MED27: variants seen among roughly 807,000 people sequenced by gnomAD.
MED27 encodes the protein mediator complex subunit 27.
A neutral mutation model predicts 38.2 loss-of-function variants in MED27; 30 were observed. The ratio of observed to expected loss-of-function variants is 0.79; its 90% CI spans 0.59 to 1.07. MED27 has a LOEUF of 1.07. MED27 is among the 50% of genes least tolerant of loss of function. The probability of loss-of-function intolerance (pLI) is 0.00; values close to 1 mark genes in which losing one functional copy is unlikely to be tolerated. For synonymous variants in MED27, 122 were observed against 153.5 expected, an observed-to-expected ratio of 0.79 and a Z score of 1.52; for missense variants, 289 against 397.5, an observed-to-expected ratio of 0.73 and a Z score of 2.32.
chr9:131,998,252 TA>T (rs1180768153), intron 3 of MED27, among the ~76,000 whole-genome samples: 191 of 141,072 alleles, frequency 1.4e-3, no homozygotes, highest in Admixed American at 1.3e-3. Flanking sequence ...AGCATCATCT[TA>T]AAAAAAAAAA....
In MED27 at chr9:131,860,404, C is replaced by T. The variant is rs1318897553; in HGVS notation, c.*134G>A. 2 of 1,074,146 alleles carry T rather than the reference C, an allele frequency of 1.9e-6. No homozygotes were observed. The highest frequency in any genetic ancestry group is 2.9e-5 in the East Asian group (1 of 34,296). 66.5% of individuals were successfully genotyped at this position (1,074,146 alleles called of 1,614,324 possible). On this transcript the variant is annotated 3_prime_UTR_variant, in exon 8 of 8. Transcript: ENST00000292035. This position sits in a 1 kb window ranked among gnomAD's most constrained non-coding sequence, Gnocchi z 5.8. ...GCTCTTCAAGAGTGGCCTCTGCACA[C>T]ATGGCGCTGCTTTATGAAAGGGAGG...
intron 2 of MED27, among the ~76,000 whole-genome samples, chr9:132,069,752 G>C (rs1833893170): frequency 6.6e-6 from 1 of 152,214 alleles, no homozygotes; most frequent in Non-Finnish European, 1.5e-5. Context: ...GGAAGGGACT[G>C]AAGAGATCAC....
intron 3 of MED27, among the ~76,000 whole-genome samples, chr9:131,990,562 A>G (rs560313823): frequency 4.9e-4 from 75 of 152,364 alleles, no homozygotes; most frequent in South Asian, 4.1e-3. Context: ...GCATCCTCAA[A>G]TAAAACGTTC....
chr9:132,045,069 T>C (rs904880166), intron 2 of MED27, among the ~76,000 whole-genome samples: 10 of 152,034 alleles, frequency 6.6e-5, no homozygotes, highest in African/African-American at 2.4e-4. Context: ...AAATTTAAAA[T>C]TTGTATATGT....
intron 5 of MED27, 137 bp downstream of exon 5, chr9:131,893,747 TC>T (rs1829766919): frequency 3.1e-6 from 2 of 646,254 alleles, no homozygotes; most frequent in Non-Finnish European, 5.6e-6. Flanking sequence ...AAAGTGTGCA[TC>T]CTCACACTGA....
At chr9:131,970,840 T>C (rs1300545644) in intron 3 of MED27, among the ~76,000 whole-genome samples, 4 of 152,000 alleles carry the variant, frequency 2.6e-5, no homozygotes, top group East Asian at 1.9e-4. Flanking sequence ...ACCAAACAGA[T>C]CATGTGGAGT....
chr9:131,995,933 C>T (rs1374903085), intron 3 of MED27, among the ~76,000 whole-genome samples: 3 of 152,246 alleles, frequency 2.0e-5, no homozygotes, highest in Admixed American at 6.5e-5. Flanking sequence ...GCAGGAGTGT[C>T]CTCTACACTC....
chr9:131,869,541 C>T (rs1838794094), intron 6 of MED27, among the ~76,000 whole-genome samples: 1 of 152,234 alleles, frequency 6.6e-6, no homozygotes, highest in East Asian at 1.9e-4. Flanking sequence ...GGCACTAATG[C>T]TCCCAAGGAG....
At chr9:132,062,915 C>T (rs969546461) in intron 2 of MED27, among the ~76,000 whole-genome samples, 115 of 152,188 alleles carry the variant, frequency 7.6e-4, no homozygotes, top group Non-Finnish European at 2.5e-4. Context: ...AGCCACTGCA[C>T]CCAGCCATCA....
At position 131,893,948 on chromosome 9, in the gene MED27, G is replaced by C. The variant is rs768477755; in HGVS notation, c.618C>G (p.Ser206Arg). The C allele has an allele frequency of 1.2e-6, 2 of 1,614,034 alleles. No individual in the cohort carries two copies. Among genetic ancestry groups the C allele is most frequent in the Non-Finnish European group, 8.5e-7 (1 of 1,180,040 alleles). Reference sequence around the variant, plus strand: ...TTACTATTGTTCGATCAATGAACAGGCTCCGCATGACGACGATCACTTTCA... The same window carrying C: ...TTACTATTGTTCGATCAATGAACAGCCTCCGCATGACGACGATCACTTTCA... ...KVLKVIVVMR[S>R]LFIDRTIVKG... The change falls in exon 5 of 8, where the codon AGC (serine) becomes AGG (arginine). Residue 206 changes from serine (S) to arginine (R), a missense_variant. Transcript: ENST00000292035.
chr9:131,966,016 C>A (rs75625560), intron 3 of MED27, among the ~76,000 whole-genome samples: 1 of 150,104 alleles, frequency 6.7e-6, no homozygotes. Flanking sequence ...CGCAACCATG[C>A]GCATCCCAGA....
At chr9:131,960,870 A>T (rs1170634609) in intron 3 of MED27, among the ~76,000 whole-genome samples, 1 of 152,230 alleles carries the variant, frequency 6.6e-6, no homozygotes, top group African/African-American at 2.4e-5. Flanking sequence ...TCCTCAGTCG[A>T]TGAGAATAAT....
chr9:131,939,404 T>G lies in MED27; in HGVS notation c.550A>C (p.Asn184His). 6.2e-7 allele frequency: 1 copy of G among 1,610,814 alleles called. No individual in the cohort carries two copies. Among genetic ancestry groups the G allele is most frequent in the Non-Finnish European group, 8.5e-7 (1 of 1,178,668 alleles). Reference protein sequence around the residue: ...PEMSIHLSRPNGTSAMLLVTL... With the variant: ...PEMSIHLSRPHGTSAMLLVTL... ...ACCAGAAGCATTGCTGATGTTCCAT[T>G]GGGTCTGGATAAGTGGATGGACATT... The change falls in exon 4 of 8, where the codon AAT becomes CAT. Residue 184 changes from asparagine (N) to histidine (H), a missense_variant. By Grantham distance (68) the Asn-to-His change is moderately conservative. Coordinates refer to ENST00000292035, the MANE Select transcript of MED27 (RefSeq NM_004269.4).
At chr9:131,974,120 T>G (rs544929838) in intron 3 of MED27, among the ~76,000 whole-genome samples, 1 of 152,346 alleles carries the variant, frequency 6.6e-6, no homozygotes, top group East Asian at 1.9e-4. Context: ...TTTTCCTTCC[T>G]TAGTGGAACA....
Position 131,872,721 on chromosome 9 carries a change from C to T in MED27, c.724-9581G>A, listed in dbSNP as rs1196182117. Among the ~76,000 whole-genome samples, 1 of 152,216 alleles carries T rather than the reference C, an allele frequency of 6.6e-6. No individual in the cohort carries two copies. Among genetic ancestry groups the T allele is most frequent in the Non-Finnish European group, 1.5e-5 (1 of 68,038 alleles). On this transcript the variant is annotated intron_variant, in intron 6 of 7. Coordinates refer to ENST00000292035, the MANE Select transcript of MED27 (RefSeq NM_004269.4). This position sits in a 1 kb window ranked among gnomAD's most constrained non-coding sequence, Gnocchi z 5.6. ...AGGTCTAGGTTTTCAGCAGATGCTG[C>T]TGCAGAGCCTGAGCTGTCCTAGTTA...
At chr9:131,890,655 C>T (rs1021691974) in intron 5 of MED27, among the ~76,000 whole-genome samples, 5 of 152,194 alleles carry the variant, frequency 3.3e-5, no homozygotes, top group African/African-American at 4.8e-5. Flanking sequence ...GGGCTCCTAC[C>T]GTGCTCCTGG....
chr9:131,964,784 C>T (rs926012789), intron 3 of MED27, among the ~76,000 whole-genome samples: 4 of 152,188 alleles, frequency 2.6e-5, no homozygotes, highest in African/African-American at 9.7e-5. Flanking sequence ...TTGATGAAGT[C>T]CTTTCCGATA....
chr9:132,018,529 G>A (rs1433133528), intron 2 of MED27, among the ~76,000 whole-genome samples: 1 of 152,142 alleles, frequency 6.6e-6, no homozygotes, highest in Non-Finnish European at 1.5e-5. Context: ...AATATTCATA[G>A]GTTAATGTTT....
intron 3 of MED27, among the ~76,000 whole-genome samples, chr9:131,948,137 C>T (rs941373751): frequency 5.9e-5 from 9 of 152,150 alleles, no homozygotes; most frequent in Non-Finnish European, 1.3e-4. Context: ...ATTTATATCA[C>T]GGTTGTGAAA....
Sources: gnomAD v4.1 joint callset for allele counts (sites outside exome capture counted in the v4.1 genomes callset) on GRCh38, gnomAD v4.1.1 for gene constraint, Gnocchi (gnomAD v3.1) non-coding constraint, MANE v1.5 for transcripts, NCBI Gene and HGNC (gene_info 2026-07-23, HGNC 2026-07-21) for gene names.